GABRG3: variants seen among roughly 807,000 people sequenced by gnomAD.
GABRG3 encodes gamma-aminobutyric acid type A receptor subunit gamma3.
A neutral mutation model predicts 48.8 loss-of-function variants in GABRG3; 25 were observed. The observed-to-expected ratio is 0.51, with a 90% CI of 0.37 to 0.72. The LOEUF (loss-of-function observed/expected upper bound fraction) is 0.72, where lower values mean the gene tolerates loss of function less well. Ranked by LOEUF, GABRG3 falls within the 30% of genes least tolerant of loss-of-function variation. GABRG3 has a pLI of 0.00. For missense variants in GABRG3, 394 were observed against 577.9 expected, an observed-to-expected ratio of 0.68 and a Z score of 3.26; for synonymous variants, 227 against 217.6, an observed-to-expected ratio of 1.04 and a Z score of -0.38.
At chr15:27,271,233 T>C (rs1891074567) in intron 3 of GABRG3, among the ~76,000 whole-genome samples, 1 of 152,164 alleles carries the variant, frequency 6.6e-6, no homozygotes, top group Non-Finnish European at 1.5e-5. Context: ...TCCCTGCACT[T>C]GCCCTGCACG....
intron 3 of GABRG3, among the ~76,000 whole-genome samples, chr15:27,093,345 GGAT>G (rs1393281253): frequency 6.6e-6 from 1 of 152,118 alleles, no homozygotes; most frequent in Non-Finnish European, 1.5e-5. Context: ...CTGTGCAATG[GGAT>G]GATGATGATA....
rs183257835 is a variant in GABRG3, at chr15:27,173,299, C to T, written c.270+146478C>T. ...AGAGAAATGTATGCAATTAGAGTCC[C>T]GTTAGCAGTACAGCAAAGAACTATT... On this transcript the variant is annotated intron_variant, in intron 3 of 9. Transcript: ENST00000615808. Among the ~76,000 whole-genome samples the T allele has an allele frequency of 2.0e-5, 3 of 152,174 alleles. No homozygotes were observed. The East Asian group carries it at 5.8e-4, about 30-fold the overall frequency.
chr15:27,518,195 C>CAAAAAAAAAAAAAAAAAA lies in GABRG3; in HGVS notation c.713-1773_713-1756dup, dbSNP rs58222645. On this transcript the variant is annotated intron_variant, in intron 6 of 9. Coordinates refer to ENST00000615808, the MANE Select transcript of GABRG3 (RefSeq NM_033223.5). ...TGAAACCCCAACTCTACTAAAAATA[C>CAAAAAAAAAAAAAAAAAA]AAAAAAAAAAAAAAAAAAAAAGAAT... Among the ~76,000 whole-genome samples, 205 of 88,014 alleles carry CAAAAAAAAAAAAAAAAAA rather than the reference C, an allele frequency of 2.3e-3. 1 individual carries two copies. Among genetic ancestry groups the CAAAAAAAAAAAAAAAAAA allele is most frequent in the African/African-American group, 8.2e-3 (192 of 23,448 alleles). 57.7% of individuals were successfully genotyped at this position (88,014 alleles called of 152,430 possible). A position where few individuals can be genotyped will look rare whatever the true frequency, so the allele number is the denominator to read the frequency against.
In GABRG3 at chr15:27,108,995, A is replaced by C. The variant is rs192030011; in HGVS notation, c.270+82174A>C. 1.5e-3 allele frequency among the ~76,000 whole-genome samples: 228 copies of C among 152,208 alleles called. 2 individuals are homozygous for C. Among genetic ancestry groups the C allele is most frequent in the African/African-American group, 5.2e-3 (214 of 41,534 alleles). On this transcript the variant is annotated intron_variant, in intron 3 of 9. Coordinates refer to ENST00000615808, the MANE Select transcript of GABRG3 (RefSeq NM_033223.5). Reference sequence around the variant, plus strand: ...AGAGAAAGCAGCTAAGAGATCTCTTAGCTTCGTTTCTCTTTTTCACCTATA... The same window carrying C: ...AGAGAAAGCAGCTAAGAGATCTCTTCGCTTCGTTTCTCTTTTTCACCTATA...
chr15:27,500,284 T>A (rs1387160998), intron 6 of GABRG3, among the ~76,000 whole-genome samples: 2 of 152,220 alleles, frequency 1.3e-5, no homozygotes, highest in African/African-American at 4.8e-5. Context: ...GCAGGCACTG[T>A]TGCTAGAGGC....
At chr15:27,500,472 T>A (rs911140618) in intron 6 of GABRG3, among the ~76,000 whole-genome samples, 1 of 152,158 alleles carries the variant, frequency 6.6e-6, no homozygotes. Context: ...CAGCCGCACC[T>A]GTCAACCTTC....
At chr15:26,995,312 TC>T (rs2140650605) in intron 2 of GABRG3, among the ~76,000 whole-genome samples, 1 of 152,144 alleles carries the variant, frequency 6.6e-6, no homozygotes, top group African/African-American at 2.4e-5. Flanking sequence ...CCTTTTTCCA[TC>T]TTTTGCATTT....
chr15:26,988,022 T>C (rs755490897), intron 2 of GABRG3, among the ~76,000 whole-genome samples: 17 of 152,196 alleles, frequency 1.1e-4, no homozygotes, highest in Non-Finnish European at 2.1e-4. Flanking sequence ...TTAAAGAACA[T>C]ACTCTGAATA....
At chr15:27,147,653 A>G (rs888720107) in intron 3 of GABRG3, among the ~76,000 whole-genome samples, 3 of 152,076 alleles carry the variant, frequency 2.0e-5, no homozygotes, top group African/African-American at 7.2e-5. Context: ...ATGAAATGGG[A>G]AATCAACAAC....
intron 3 of GABRG3, among the ~76,000 whole-genome samples, chr15:27,305,286 G>A (rs1238022584): frequency 1.3e-5 from 2 of 151,332 alleles, no homozygotes; most frequent in African/African-American, 4.8e-5. Flanking sequence ...CTCCAGAATT[G>A]AAATATTTAG....
At chr15:27,108,167 C>A (rs1321519501) in intron 3 of GABRG3, among the ~76,000 whole-genome samples, 1 of 151,810 alleles carries the variant, frequency 6.6e-6, no homozygotes. Flanking sequence ...AATTTTGATT[C>A]TTTTCTAATA....
At chr15:27,374,406 T>C (rs966152374) in intron 5 of GABRG3, among the ~76,000 whole-genome samples, 1 of 152,204 alleles carries the variant, frequency 6.6e-6, no homozygotes, top group Non-Finnish European at 1.5e-5. Flanking sequence ...GCTGGGATTA[T>C]AGGCATGCAC....
intron 5 of GABRG3, among the ~76,000 whole-genome samples, chr15:27,342,716 A>C (rs1894227281): frequency 6.6e-6 from 1 of 152,200 alleles, no homozygotes; most frequent in Admixed American, 6.5e-5. Context: ...GATTTCTTGG[A>C]GCTCCTTTCC....
At chr15:27,335,168 C>T (rs986460945) in intron 5 of GABRG3, among the ~76,000 whole-genome samples, 3 of 152,158 alleles carry the variant, frequency 2.0e-5, no homozygotes, top group Non-Finnish European at 4.4e-5. Flanking sequence ...GTAGACAAGA[C>T]CCCTTTTGAC....
chr15:27,253,103 G>A (rs780672206), intron 3 of GABRG3, among the ~76,000 whole-genome samples: 1 of 152,210 alleles, frequency 6.6e-6, no homozygotes, highest in Non-Finnish European at 1.5e-5. Context: ...ACACGGAACA[G>A]TTCTGGGTGT....
At chr15:27,222,351 T>C (rs962442917) in intron 3 of GABRG3, among the ~76,000 whole-genome samples, 4 of 152,230 alleles carry the variant, frequency 2.6e-5, no homozygotes, top group Non-Finnish European at 4.4e-5. Context: ...TCCAAAGTGC[T>C]TAGAAGAGTA....
intron 3 of GABRG3, among the ~76,000 whole-genome samples, chr15:27,099,652 G>T (rs1897322871): frequency 6.6e-6 from 1 of 151,842 alleles, no homozygotes; most frequent in Non-Finnish European, 1.5e-5. Context: ...TATTCATGTT[G>T]TAATATCCAG....
In GABRG3 at chr15:27,179,940, G is replaced by C. The variant is rs1236527449; in HGVS notation, c.271-146869G>C. The stretch of plus-strand genomic sequence containing the variant: ...TTGATTCACAGTTCATCGCCTCCTA[G>C]ATGAGGCTGGGCGTGGCTCTGAAGA... On this transcript the variant is annotated intron_variant, in intron 3 of 9. Transcript: ENST00000615808. The surrounding 1 kb of genome is among the most constrained non-coding windows in gnomAD (Gnocchi z 4.0). Among the ~76,000 whole-genome samples, 3 of 152,296 alleles carry C rather than the reference G, an allele frequency of 2.0e-5. No homozygotes were observed. The highest frequency in any genetic ancestry group is 4.8e-5 in the African/African-American group (2 of 41,580).
chr15:27,439,778 T>C (rs548244867), intron 5 of GABRG3, among the ~76,000 whole-genome samples: 6 of 152,346 alleles, frequency 3.9e-5, no homozygotes, highest in Admixed American at 2.0e-4. Flanking sequence ...AACTGGAATT[T>C]GGGATCTCCC....
Sources: gnomAD v4.1 joint callset for allele counts (sites outside exome capture counted in the v4.1 genomes callset) on GRCh38, gnomAD v4.1.1 for gene constraint, Gnocchi (gnomAD v3.1) non-coding constraint, MANE v1.5 for transcripts, NCBI Gene and HGNC (gene_info 2026-07-23, HGNC 2026-07-21) for gene names.